ANKRD35: variants seen among roughly 807,000 people sequenced by gnomAD.
ANKRD35 encodes the protein ankyrin repeat domain-containing protein 35.
In ANKRD35, 102 loss-of-function variants were observed where a neutral mutation model predicts 109.9. That is an observed-to-expected ratio of 0.93 (90% CI 0.79 to 1.09). The LOEUF (loss-of-function observed/expected upper bound fraction) is 1.09. Ranked by LOEUF, ANKRD35 falls within the 50% of genes least tolerant of loss-of-function variation. The pLI is 0.00. For synonymous variants in ANKRD35, 515 were observed against 512.4 expected, an observed-to-expected ratio of 1.01 and a Z score of -0.07; for missense variants, 1,240 against 1,230.1, an observed-to-expected ratio of 1.01 and a Z score of -0.12.
intron 2 of ANKRD35, among the ~76,000 whole-genome samples, chr1:145,878,796 G>A (rs898788126): frequency 1.1e-4 from 17 of 152,326 alleles, no homozygotes; most frequent in Admixed American, 5.2e-4. Flanking sequence ...GTCACAGAAA[G>A]AGTCAGCCAG....
intron 8 of ANKRD35, 121 bp downstream of exon 8, chr1:145,874,701 C>G: frequency 1.6e-6 from 2 of 1,230,844 alleles, no homozygotes; most frequent in South Asian, 1.8e-5. Context: ...GCAATAAATA[C>G]GTAAACTCTC....
intron 1 of ANKRD35, among the ~76,000 whole-genome samples, chr1:145,882,474 A>T (rs1439096212): frequency 2.2e-5 from 3 of 134,252 alleles, no homozygotes; most frequent in African/African-American, 1.1e-4. Context: ...TTTTTTTTTT[A>T]GAGATGAGGT....
chr1:145,881,469 C>A (rs1654283334), intron 1 of ANKRD35, among the ~76,000 whole-genome samples: 1 of 152,218 alleles, frequency 6.6e-6, no homozygotes, highest in Non-Finnish European at 1.5e-5. Flanking sequence ...AGTCTCCAAA[C>A]AGGTTAACTC....
chr1:145,872,091 C>G lies in ANKRD35; in HGVS notation c.2678G>C (p.Arg893Pro). ...GCGCCCCCGCATCTCGCTGGCCTGGCGCTCTTGTTCGGCTGCCTGAGCGGC... is the reference window on the plus strand; with the variant it reads ...GCGCCCCCGCATCTCGCTGGCCTGGGGCTCTTGTTCGGCTGCCTGAGCGGC... ...DLAAQAAEQE[R>P]QASEMRGRSE... The change falls in exon 10 of 14, where the codon CGC (arginine) becomes CCC (proline). Residue 893 changes from arginine (R) to proline (P), a missense_variant. Transcript: ENST00000355594. The G allele has an allele frequency of 6.2e-7, 1 of 1,613,204 alleles. No homozygotes were observed. Among genetic ancestry groups the G allele is most frequent in the Non-Finnish European group, 8.5e-7 (1 of 1,179,696 alleles).
intron 2 of ANKRD35, 95 bp downstream of exon 2, chr1:145,879,163 A>C (rs1654194903): frequency 7.3e-7 from 1 of 1,375,662 alleles, no homozygotes; most frequent in Non-Finnish European, 9.5e-7. Flanking sequence ...AAGAGCTCTG[A>C]AGTTGTAGGC....
chr1:145,874,094 G>T (rs1653968238), intron 9 of ANKRD35, 61 bp downstream of exon 9: 1 of 1,609,498 alleles, frequency 6.2e-7, no homozygotes. Flanking sequence ...ACTAGGAATA[G>T]TCACAGTGGG....
chr1:145,879,131 A>G, intron 2 of ANKRD35, 127 bp downstream of exon 2: 1 of 1,234,020 alleles, frequency 8.1e-7, no homozygotes, highest in Non-Finnish European at 1.1e-6. Flanking sequence ...CTATTGATAT[A>G]CTTGCTAATT....
intron 1 of ANKRD35, among the ~76,000 whole-genome samples, chr1:145,881,618 GC>G (rs1356956488): frequency 1.3e-5 from 2 of 152,216 alleles, no homozygotes; most frequent in Non-Finnish European, 2.9e-5. Flanking sequence ...ACGACAGGGT[GC>G]TGCCATCAGC....
chr1:145,882,112 A>G (rs1196340876), intron 1 of ANKRD35, among the ~76,000 whole-genome samples: 14 of 148,090 alleles, frequency 9.5e-5, no homozygotes, highest in Admixed American at 4.0e-4. Flanking sequence ...CCGCCACCAC[A>G]CCCGGATAAT....
intron 3 of ANKRD35, 97 bp from the exon 4 acceptor site, chr1:145,878,129 A>G: frequency 8.2e-7 from 1 of 1,213,908 alleles, no homozygotes; most frequent in Middle Eastern, 2.5e-4. Context: ...TAATCAGGAG[A>G]TTAGGGAGAG....
rs373859804 is a variant in ANKRD35, at chr1:145,876,694, A to G, written c.383-55T>C. 3.7e-6 allele frequency: 6 copies of G among 1,611,494 alleles called. No homozygotes were observed. In the African/African-American group the frequency reaches 5.3e-5, roughly 14 times the overall value. ...AGCATGAAGAAAGCCTACTCAGACTATGACCCAACATCCCCTCCGACCATT... is the reference window on the plus strand; with the variant it reads ...AGCATGAAGAAAGCCTACTCAGACTGTGACCCAACATCCCCTCCGACCATT... On this transcript the variant is annotated intron_variant, in intron 5 of 13. Coordinates refer to ENST00000355594, the MANE Select transcript of ANKRD35 (RefSeq NM_144698.5).
Position 145,873,413 on chromosome 1 carries a change from A to G in ANKRD35, c.1356T>C (p.Phe452=), listed in dbSNP as rs1332648041. 1.2e-6 allele frequency: 2 copies of G among 1,614,152 alleles called. No homozygotes were observed. Among genetic ancestry groups the G allele is most frequent in the Admixed American group, 1.7e-5 (1 of 60,020 alleles). Residue 452 remains phenylalanine (F), a synonymous_variant, in exon 10 of 14, where the codon TTT becomes TTC. Transcript: ENST00000355594. ...QQLTTNGAQT[F]GPDHADQLPA... ...GCAGCTGGTCAGCATGATCAGGGCCAAAGGTCTGTGCCCCATTGGTAGTCA... is the reference window on the plus strand; with the variant it reads ...GCAGCTGGTCAGCATGATCAGGGCCGAAGGTCTGTGCCCCATTGGTAGTCA...
Position 145,873,887 on chromosome 1 carries a change from G to A in ANKRD35, c.882C>T (p.Cys294=). ...EQEEKEDEDP[C]SEEWRWKYEE... ...CATACTTCCACCTCCACTCCTCCGAGCACGGGTCTTCATCCTCCTTCTCCT... is the reference window on the plus strand; with the variant it reads ...CATACTTCCACCTCCACTCCTCCGAACACGGGTCTTCATCCTCCTTCTCCT... The change falls in exon 10 of 14, where the codon TGC becomes TGT. Residue 294 remains cysteine, a synonymous_variant. Transcript: ENST00000355594. The A allele has an allele frequency of 6.2e-7, 1 of 1,614,124 alleles. No homozygotes were observed. The highest frequency in any genetic ancestry group is 2.2e-5 in the East Asian group (1 of 44,886).
chr1:145,871,929 C>T (rs782377445), intron 10 of ANKRD35, 53 bp downstream of exon 10: 224 of 1,592,680 alleles, frequency 1.4e-4, no homozygotes, highest in Non-Finnish European at 1.9e-4. Flanking sequence ...AGTAAACTCC[C>T]AAATACACAG....
rs1257691043 is a variant in ANKRD35, at chr1:145,867,391, C to A, written c.2945G>T (p.Gly982Val). ...ATTGTACACTTCATGTTCCATGTAA[C>A]CCTGTAGATGTCAGGAAAGGAAGAA... ...YRNHLLNAAR[G>V]YMEHEVYNIL... Residue 982 changes from glycine (G) to valine (V), a missense_variant and splice_region_variant, in exon 13 of 14, where the codon GGT becomes GTT. Transcript: ENST00000355594. 6.2e-7 allele frequency: 1 copy of A among 1,613,532 alleles called. No homozygotes were observed. Among genetic ancestry groups the A allele is most frequent in the Non-Finnish European group, 8.5e-7 (1 of 1,179,780 alleles).
At chr1:145,869,732 G>A (rs1006003638) in intron 10 of ANKRD35, among the ~76,000 whole-genome samples, 5 of 152,148 alleles carry the variant, frequency 3.3e-5, no homozygotes, top group Non-Finnish European at 7.4e-5. Flanking sequence ...GCCTCCCAAA[G>A]TGCTGGGATT....
In ANKRD35 at chr1:145,876,855, C is replaced by T. The variant is rs913521951; in HGVS notation, c.343G>A (p.Ala115Thr). The T allele has an allele frequency of 6.2e-7, 1 of 1,614,088 alleles. No individual in the cohort carries two copies. The highest frequency in any genetic ancestry group is 1.3e-5 in the African/African-American group (1 of 75,044). ...GGACTACGGTTTTCTGCATCCACAGCATCTTCATTAGCACCATGCTGCAAA... is the reference window on the plus strand; with the variant it reads ...GGACTACGGTTTTCTGCATCCACAGTATCTTCATTAGCACCATGCTGCAAA... ...VLLQHGANED[A>T]VDAENRSPLH... The change falls in exon 5 of 14, where the codon GCT becomes ACT. Residue 115 changes from alanine (A) to threonine (T), a missense_variant. Transcript: ENST00000355594.
At chr1:145,881,250 A>C (rs1302782905) in intron 1 of ANKRD35, among the ~76,000 whole-genome samples, 1 of 152,126 alleles carries the variant, frequency 6.6e-6, no homozygotes, top group Non-Finnish European at 1.5e-5. Context: ...GCACCATTGC[A>C]CTCCAGTCTG....
At position 145,872,055 on chromosome 1, in the gene ANKRD35, A is replaced by G. The variant is rs1553738749; in HGVS notation, c.2714T>C (p.Phe905Ser). The change falls in exon 10 of 14, where the codon TTT becomes TCT. Residue 905 changes from phenylalanine (F) to serine (S), a missense_variant. Transcript: ENST00000355594. ...ASEMRGRSEQ[F>S]EKTAELLKEK... is the part of the protein sequence containing the mutation. ...TTTCAGCAGCTCTGCCGTTTTCTCA[A>G]ACTGCTCGGAGCGCCCCCGCATCTC... is the stretch of plus-strand genomic sequence containing the variant. 1 of 1,613,640 alleles carries G rather than the reference A, an allele frequency of 6.2e-7. No individual in the cohort carries two copies. Among genetic ancestry groups the G allele is most frequent in the Non-Finnish European group, 8.5e-7 (1 of 1,179,918 alleles).
Sources: gnomAD v4.1 joint callset for allele counts (sites outside exome capture counted in the v4.1 genomes callset) on GRCh38, gnomAD v4.1.1 for gene constraint, MANE v1.5 for transcripts, NCBI Gene and HGNC (gene_info 2026-07-23, HGNC 2026-07-21) for gene names.